The following PPP1R42 variants were observed in gnomAD, a reference collection of about 807,000 sequenced individuals.
PPP1R42 encodes the protein leucine rich repeat containing 67.
In PPP1R42, 34 loss-of-function variants were observed where a neutral mutation model predicts 31.0. That is an observed-to-expected ratio of 1.10 (90% CI 0.83 to 1.46). PPP1R42 has a LOEUF of 1.46. Among genes scored for constraint, PPP1R42 ranks in the 40% most tolerant of loss-of-function variants. The probability of loss-of-function intolerance (pLI) is 0.00; values close to 1 mark genes in which losing one functional copy is unlikely to be tolerated. For missense variants in PPP1R42, 268 were observed against 303.0 expected (o/e 0.88, Z 0.86); for synonymous variants, 103 against 109.8 (o/e 0.94, Z 0.39).
chr8:67,001,753 T>C (rs1194017325), intron 5 of PPP1R42, among the ~76,000 whole-genome samples: 1 of 152,224 alleles, frequency 6.6e-6, no homozygotes, highest in Non-Finnish European at 1.5e-5. Context: ...TGTTAGTTTA[T>C]TTTACTTTTA....
chr8:67,020,142 C>A (rs189831494), intron 1 of PPP1R42, among the ~76,000 whole-genome samples: 182 of 152,140 alleles, frequency 1.2e-3, no homozygotes, highest in African/African-American at 4.3e-3. Flanking sequence ...TTAGTACAAC[C>A]ATAATCCACA....
intron 5 of PPP1R42, among the ~76,000 whole-genome samples, chr8:67,008,332 C>T (rs539884916): frequency 9.6e-4 from 146 of 152,218 alleles, no homozygotes; most frequent in African/African-American, 3.4e-3. Context: ...GTTGGGACTA[C>T]TGTAAATATT....
chr8:66,987,282 A>G (rs1233577388), intron 6 of PPP1R42, among the ~76,000 whole-genome samples: 1 of 145,766 alleles, frequency 6.9e-6, no homozygotes, highest in East Asian at 2.0e-4. Context: ...TTTTTAGCAA[A>G]TGATCTTTTT....
At chr8:67,004,747 C>G (rs574249185) in intron 5 of PPP1R42, among the ~76,000 whole-genome samples, 6 of 152,092 alleles carry the variant, frequency 3.9e-5, no homozygotes, top group African/African-American at 1.4e-4. Context: ...GTTTCCGTTT[C>G]TCTCTCTTTG....
At chr8:66,993,124 CCT>C (rs1475108037) in intron 5 of PPP1R42, among the ~76,000 whole-genome samples, 1 of 152,154 alleles carries the variant, frequency 6.6e-6, no homozygotes, top group Non-Finnish European at 1.5e-5. Flanking sequence ...TCACTCTTGA[CCT>C]CTCCTTCTCC....
At chr8:66,974,179 G>C (rs1353057457) in intron 7 of PPP1R42, among the ~76,000 whole-genome samples, 1 of 152,160 alleles carries the variant, frequency 6.6e-6, no homozygotes, top group Non-Finnish European at 1.5e-5. Flanking sequence ...TGCTATAGTG[G>C]CTGCACCATT....
chr8:66,972,301 G>A (rs1465477348), intron 7 of PPP1R42, among the ~76,000 whole-genome samples: 1 of 152,144 alleles, frequency 6.6e-6, no homozygotes, highest in African/African-American at 2.4e-5. Context: ...GGCCAAGGAA[G>A]AATAACCAAG....
intron 5 of PPP1R42, among the ~76,000 whole-genome samples, chr8:66,993,697 A>G (rs1585656459): frequency 6.6e-6 from 1 of 152,158 alleles, no homozygotes; most frequent in East Asian, 1.9e-4. Context: ...TGGGATGACT[A>G]TGTGCTTAAT....
At chr8:66,989,594 C>T (rs922485922) in intron 5 of PPP1R42, among the ~76,000 whole-genome samples, 1 of 152,138 alleles carries the variant, frequency 6.6e-6, no homozygotes, top group Non-Finnish European at 1.5e-5. Context: ...AAGTAGTGCA[C>T]ATAGCTTGGC....
chr8:66,985,558 A>C, intron 6 of PPP1R42: 1 of 1,332,294 alleles, frequency 7.5e-7, no homozygotes, highest in South Asian at 1.2e-5. Flanking sequence ...GGCATTGCTG[A>C]TGAGTCCTGG....
chr8:66,965,263 CAAAAAA>C (rs35319935), intron 7 of PPP1R42, among the ~76,000 whole-genome samples: 1 of 66,592 alleles, frequency 1.5e-5, no homozygotes, highest in Non-Finnish European at 3.4e-5. Flanking sequence ...GACTCCGTCT[CAAAAAA>C]AAAAAAAAAA....
chr8:67,025,374 A>G (rs186829780), intron 1 of PPP1R42, among the ~76,000 whole-genome samples: 125 of 151,428 alleles, frequency 8.3e-4, no homozygotes, highest in Middle Eastern at 6.9e-3. Flanking sequence ...GGCTTTTCAA[A>G]GTGCTGGGAT....
intron 1 of PPP1R42, among the ~76,000 whole-genome samples, chr8:67,020,173 GT>G (rs1411022099): frequency 1.3e-5 from 2 of 151,810 alleles, no homozygotes; most frequent in African/African-American, 4.9e-5. Flanking sequence ...ATAATCCAGG[GT>G]TTTTTGTTGT....
At chr8:66,981,510 G>A (rs1282890765) in intron 7 of PPP1R42, among the ~76,000 whole-genome samples, 2 of 151,718 alleles carry the variant, frequency 1.3e-5, no homozygotes, top group Non-Finnish European at 2.9e-5. Context: ...CTCCCAAGTA[G>A]ATGGGATTAC....
intron 5 of PPP1R42, among the ~76,000 whole-genome samples, chr8:67,002,982 C>G (rs1815548053): frequency 6.7e-6 from 1 of 149,816 alleles, no homozygotes; most frequent in Non-Finnish European, 1.5e-5. Context: ...TAGTGAAACC[C>G]CCATCTCTAC....
chr8:67,006,906 C>T (rs1815702324), intron 5 of PPP1R42, among the ~76,000 whole-genome samples: 1 of 151,858 alleles, frequency 6.6e-6, no homozygotes, highest in Non-Finnish European at 1.5e-5. Context: ...ACACACCCGG[C>T]TAATTTTTTT....
chr8:66,983,318 T>C (rs1224181099), intron 6 of PPP1R42, among the ~76,000 whole-genome samples: 1 of 152,150 alleles, frequency 6.6e-6, no homozygotes, highest in African/African-American at 2.4e-5. Context: ...TATGTTTCCT[T>C]AATGGCTGGT....
In PPP1R42 at chr8:66,964,337, G is replaced by T; in HGVS notation, c.803-3C>A. 8.0e-7 allele frequency: 1 copy of T among 1,247,606 alleles called. No homozygotes were observed. Among genetic ancestry groups the T allele is most frequent in the Non-Finnish European group, 1.0e-6 (1 of 974,344 alleles). 77.3% of individuals were successfully genotyped at this position (1,247,606 alleles called of 1,614,324 possible). The stretch of plus-strand genomic sequence containing the variant: ...CAGATTGCTTCAAAGAGAGATTCCT[G>T]TATTTATAGAGAGGGAAAAAAAAGC... On this transcript the variant is annotated splice_region_variant and splice_polypyrimidine_tract_variant and intron_variant, in intron 7 of 7. Coordinates refer to ENST00000685739, the MANE Select transcript of PPP1R42 (RefSeq NM_001364910.1).
At position 67,017,741 on chromosome 8, in the gene PPP1R42, G is replaced by T. The variant is rs752900555; in HGVS notation, c.7C>A (p.Arg3=). MV[R]LTLDLIARNS... Reference sequence around the variant, plus strand: ...CTGGCAATTAGATCCAAGGTCAGTCGAACCATAATTTCTTTATAAATCAAA... The same window carrying T: ...CTGGCAATTAGATCCAAGGTCAGTCTAACCATAATTTCTTTATAAATCAAA... Residue 3 remains arginine (R), a synonymous_variant, in exon 2 of 8, where the codon CGA becomes AGA. Coordinates refer to ENST00000685739, the MANE Select transcript of PPP1R42 (RefSeq NM_001364910.1). 1.3e-6 allele frequency: 2 copies of T among 1,580,000 alleles called. No individual in the cohort carries two copies. Among genetic ancestry groups the T allele is most frequent in the Non-Finnish European group, 1.7e-6 (2 of 1,165,398 alleles).
Sources: allele counts gnomAD v4.1 joint callset (sites outside exome capture counted in the v4.1 genomes callset), GRCh38; gene constraint gnomAD v4.1.1; transcripts MANE v1.5; gene names NCBI Gene and HGNC (gene_info 2026-07-23, HGNC 2026-07-21).